Variants in SNTG1 observed in about 807,000 individuals in gnomAD.
SNTG1 encodes the protein syntrophin gamma 1, also known as gamma-1-syntrophin.
Under a neutral mutation model 74.7 loss-of-function variants are expected in SNTG1, and 39 were observed. The observed-to-expected ratio is 0.52, with a 90% CI of 0.40 to 0.68. The LOEUF (loss-of-function observed/expected upper bound fraction) is 0.68. Among genes scored for constraint, SNTG1 ranks in the 30% least tolerant of loss-of-function variants. The probability of loss-of-function intolerance (pLI) is 0.00; values close to 1 mark genes in which losing one functional copy is unlikely to be tolerated. For synonymous variants in SNTG1, 254 were observed against 217.1 expected (o/e 1.17, Z -1.49); for missense variants, 685 against 609.5 (o/e 1.12, Z -1.30).
intron 8 of SNTG1, among the ~76,000 whole-genome samples, chr8:50,469,378 G>A (rs145348560): frequency 3.3e-5 from 5 of 152,144 alleles, no homozygotes; most frequent in South Asian, 2.1e-4. Flanking sequence ...CCCCTGCTGC[G>A]TGTCCACCCC....
intron 8 of SNTG1, among the ~76,000 whole-genome samples, chr8:50,461,298 A>C (rs925105359): frequency 4.6e-5 from 7 of 151,876 alleles, no homozygotes; most frequent in Non-Finnish European, 2.9e-5. Flanking sequence ...TACCAGCATG[A>C]CTTATTACCA....
intron 2 of SNTG1, among the ~76,000 whole-genome samples, chr8:50,214,461 T>A (rs2084679052): frequency 6.6e-6 from 1 of 151,954 alleles, no homozygotes; most frequent in Admixed American, 6.6e-5. Context: ...AATTTTATAT[T>A]CTCTTTATGT....
chr8:49,937,142 C>T (rs919479458), intron 1 of SNTG1, among the ~76,000 whole-genome samples: 3 of 152,046 alleles, frequency 2.0e-5, no homozygotes, highest in Non-Finnish European at 4.4e-5. Context: ...GAGCTAGACT[C>T]CGTCTCAAAA....
intron 2 of SNTG1, among the ~76,000 whole-genome samples, chr8:50,197,886 T>C (rs1018531118): frequency 6.6e-6 from 1 of 152,172 alleles, no homozygotes; most frequent in African/African-American, 2.4e-5. Flanking sequence ...TTTTTTATTT[T>C]AAAAATTATC....
At chr8:50,115,029 T>C (rs1442491103) in intron 1 of SNTG1, among the ~76,000 whole-genome samples, 3 of 152,108 alleles carry the variant, frequency 2.0e-5, no homozygotes, top group African/African-American at 7.2e-5. Flanking sequence ...CAATTAAATA[T>C]GTTAAAATTC....
At chr8:50,222,130 CA>C (rs2085102371) in intron 2 of SNTG1, among the ~76,000 whole-genome samples, 1 of 152,140 alleles carries the variant, frequency 6.6e-6, no homozygotes, top group African/African-American at 2.4e-5. Context: ...AAAGACATAT[CA>C]AAAGGCCAGT....
chr8:50,369,451 C>A (rs1033615412), intron 2 of SNTG1, among the ~76,000 whole-genome samples: 1 of 151,950 alleles, frequency 6.6e-6, no homozygotes, highest in Non-Finnish European at 1.5e-5. Flanking sequence ...ACAAAATTAG[C>A]CAGGGGTGGT....
At chr8:50,644,714 C>G (rs945904584) in intron 13 of SNTG1, among the ~76,000 whole-genome samples, 30 of 152,132 alleles carry the variant, frequency 2.0e-4, no homozygotes, top group African/African-American at 7.2e-4. Context: ...GTTGAAGGGT[C>G]AACTGTAATT....
intron 1 of SNTG1, among the ~76,000 whole-genome samples, chr8:50,013,472 T>TAGAC (rs1216695870): frequency 7.0e-6 from 1 of 143,292 alleles, no homozygotes; most frequent in Non-Finnish European, 1.5e-5. Flanking sequence ...GAGAGATAGA[T>TAGAC]AGATAGATAG....
intron 15 of SNTG1, among the ~76,000 whole-genome samples, chr8:50,702,121 G>A (rs59279919): frequency 0.022 from 3,288 of 152,022 alleles, 101 homozygotes; most frequent in African/African-American, 0.071. Flanking sequence ...CAAATTGCTG[G>A]GATTACTGAC....
intron 15 of SNTG1, among the ~76,000 whole-genome samples, chr8:50,669,639 T>A (rs541461760): frequency 2.4e-4 from 37 of 152,308 alleles, no homozygotes; most frequent in African/African-American, 8.9e-4. Context: ...CCATTCCTTC[T>A]GAAACTATTC....
intron 9 of SNTG1, among the ~76,000 whole-genome samples, chr8:50,528,406 A>G (rs1475279320): frequency 6.6e-6 from 1 of 152,028 alleles, no homozygotes. Context: ...ACATCAAAAT[A>G]TTACATATAT....
chr8:50,478,311 T>C (rs1483699537), intron 8 of SNTG1, among the ~76,000 whole-genome samples: 1 of 152,198 alleles, frequency 6.6e-6, no homozygotes, highest in Non-Finnish European at 1.5e-5. Flanking sequence ...CTAATATATT[T>C]CTATACTTGA....
intron 17 of SNTG1, among the ~76,000 whole-genome samples, chr8:50,748,457 C>T (rs543691268): frequency 6.6e-6 from 1 of 152,086 alleles, no homozygotes; most frequent in African/African-American, 2.4e-5. Context: ...AATTGGTATT[C>T]AGGATATGTT....
intron 9 of SNTG1, among the ~76,000 whole-genome samples, chr8:50,519,708 C>A (rs1563515812): frequency 6.6e-6 from 1 of 152,000 alleles, no homozygotes; most frequent in African/African-American, 2.4e-5. Context: ...TTCACAATTG[C>A]TACAAAAGAA....
chr8:50,560,011 C>T (rs905874211), intron 12 of SNTG1, among the ~76,000 whole-genome samples: 1 of 152,110 alleles, frequency 6.6e-6, no homozygotes, highest in Admixed American at 6.6e-5. Flanking sequence ...CTACAAGTAA[C>T]TTAAACACAT....
At chr8:50,453,133 TCAAA>T (rs747789713) in intron 8 of SNTG1, among the ~76,000 whole-genome samples, 2 of 152,202 alleles carry the variant, frequency 1.3e-5, no homozygotes, top group Non-Finnish European at 2.9e-5. Context: ...AGCTTTACTG[TCAAA>T]CAGTCTTCAA....
intron 1 of SNTG1, among the ~76,000 whole-genome samples, chr8:50,154,004 G>A (rs1224427121): frequency 1.3e-5 from 2 of 152,172 alleles, no homozygotes; most frequent in South Asian, 2.1e-4. Context: ...TCCAGAGGTG[G>A]AGTCTACAGA....
intron 1 of SNTG1, among the ~76,000 whole-genome samples, chr8:50,100,389 T>G (rs2080077515): frequency 6.6e-6 from 1 of 151,982 alleles, no homozygotes; most frequent in Non-Finnish European, 1.5e-5. Flanking sequence ...TAACAATAAT[T>G]TATTATATAC....
Sources: gnomAD v4.1 joint callset for allele counts (sites outside exome capture counted in the v4.1 genomes callset) on GRCh38, gnomAD v4.1.1 for gene constraint, MANE v1.5 for transcripts, NCBI Gene and HGNC (gene_info 2026-07-23, HGNC 2026-07-21) for gene names.